Variants in KLF7 observed in about 807,000 individuals in gnomAD.
KLF7 encodes the protein KLF transcription factor 7.
A neutral mutation model predicts 27.3 loss-of-function variants in KLF7; 2 were observed. The ratio of observed to expected loss-of-function variants is 0.07; its 90% CI spans 0.03 to 0.23. The LOEUF (loss-of-function observed/expected upper bound fraction) is 0.23, where lower values mean the gene tolerates loss of function less well. KLF7 is among the 10% of genes least tolerant of loss of function. The pLI is 1.00. For missense variants in KLF7, 221 were observed against 394.1 expected (o/e 0.56, Z 3.72); for synonymous variants, 165 against 162.4 (o/e 1.02, Z -0.12).
chr2:207,078,138 T>A lies in KLF7; in HGVS notation c.*3075A>T, dbSNP rs13035688. 28,865 of 152,190 alleles carry A rather than the reference T, an allele frequency of 0.19. 2,902 individuals are homozygous for A. Among genetic ancestry groups the A allele is most frequent in the Non-Finnish European group, 0.23 (15,459 of 67,998 alleles). The allele number at this position is 152,190 out of a possible 1,614,324, so 9.4% of individuals were successfully genotyped here. On this transcript the variant is annotated 3_prime_UTR_variant, in exon 4 of 4. Transcript: ENST00000309446. The stretch of plus-strand genomic sequence containing the variant: ...TATTACAAATCCATTTCCAAAATGA[T>A]CAGGACTGGTCATCATTCACAGGTG...
At chr2:207,129,949 T>C (rs577714742) in intron 1 of KLF7, among the ~76,000 whole-genome samples, 2 of 152,320 alleles carry the variant, frequency 1.3e-5, no homozygotes, top group East Asian at 3.9e-4. Context: ...TGACAAGAGG[T>C]AGTTACTTTC....
At chr2:207,173,545 T>G in the KLF7 span, 1 of 152,160 alleles carries the variant, frequency 6.6e-6, no homozygotes, top group African/African-American at 2.4e-5. Context: ...GAACTCTTAT[T>G]ATCTTCTTCA....
intron 2 of KLF7, among the ~76,000 whole-genome samples, chr2:207,095,002 T>G (rs568365908): frequency 1.0e-3 from 155 of 151,254 alleles, no homozygotes; most frequent in African/African-American, 3.3e-3. Context: ...TTACAGAGCA[T>G]GCAAACATTT....
In KLF7 at chr2:207,079,594, T is replaced by C. The variant is rs1199499084; in HGVS notation, c.*1619A>G. On this transcript the variant is annotated 3_prime_UTR_variant, in exon 4 of 4. Transcript: ENST00000309446. ...CTTTGGAGTTGAGGCCAGTGCCAGCTAGCTAGGAATGCGGGTAGATAGAGA... is the reference window on the plus strand; with the variant it reads ...CTTTGGAGTTGAGGCCAGTGCCAGCCAGCTAGGAATGCGGGTAGATAGAGA... The C allele has an allele frequency of 6.6e-6, 1 of 152,238 alleles. No homozygotes were observed. Among genetic ancestry groups the C allele is most frequent in the African/African-American group, 2.4e-5 (1 of 41,420 alleles). 9.4% of individuals were successfully genotyped at this position (152,238 alleles called of 1,614,324 possible). A position where few individuals can be genotyped will look rare whatever the true frequency, so the allele number is the denominator to read the frequency against.
At chr2:207,150,505 C>T (rs190645146) in intron 1 of KLF7, among the ~76,000 whole-genome samples, 3 of 152,194 alleles carry the variant, frequency 2.0e-5, no homozygotes, top group African/African-American at 7.2e-5. Flanking sequence ...AAGCCTCCCC[C>T]ACTGCAGAAT....
At chr2:207,172,326 ACCT>A in the KLF7 span, among the ~76,000 whole-genome samples, 2 of 152,050 alleles carry the variant, frequency 1.3e-5, no homozygotes. Context: ...TTTAGGCCAT[ACCT>A]CCTTTTTATC....
chr2:207,165,919 G>A lies in KLF7; in HGVS notation c.-351C>T. On this transcript the variant is annotated 5_prime_UTR_variant, in exon 1 of 4. Coordinates refer to ENST00000309446, the MANE Select transcript of KLF7 (RefSeq NM_003709.4). The stretch of plus-strand genomic sequence containing the variant: ...AAGGGGGATGCAAACTCACTGACAC[G>A]AAGCTGCCATCTATTTCTGCAGCGC... 9.1e-7 allele frequency: 1 copy of A among 1,103,788 alleles called. No individual in the cohort carries two copies. The highest frequency in any genetic ancestry group is 1.1e-6 in the Non-Finnish European group (1 of 902,084). 68.4% of individuals were successfully genotyped at this position (1,103,788 alleles called of 1,614,324 possible).
At chr2:207,139,297 C>G (rs562449346) in intron 1 of KLF7, among the ~76,000 whole-genome samples, 1 of 152,124 alleles carries the variant, frequency 6.6e-6, no homozygotes, top group African/African-American at 2.4e-5. Context: ...AAATGCTTAT[C>G]GATACTTATC....
chr2:207,148,897 A>G, intron 1 of KLF7: 1 of 463,708 alleles, frequency 2.2e-6, no homozygotes, highest in Non-Finnish European at 2.9e-6. Flanking sequence ...GGGGGCAGGG[A>G]TCTCCTATCA....
chr2:207,103,786 G>A (rs1331263871), intron 2 of KLF7, among the ~76,000 whole-genome samples: 2 of 152,184 alleles, frequency 1.3e-5, no homozygotes, highest in African/African-American at 2.4e-5. Flanking sequence ...CACAGCCCTC[G>A]CAGGATTATC....
At chr2:207,166,997 G>T, upstream of KLF7, 2 of 855,486 alleles carry the variant, frequency 2.3e-6, no homozygotes, top group Non-Finnish European at 3.1e-6. Context: ...GAGAGACCTG[G>T]TCGGGAGTCC....
chr2:207,166,207 G>A (rs185517618), upstream of KLF7: 754 of 984,940 alleles, frequency 7.7e-4, 1 homozygote, highest in Non-Finnish European at 8.2e-4. Flanking sequence ...GGTAAACAGG[G>A]GGCTCATGAA....
At chr2:207,129,803 T>C (rs758441592) in intron 1 of KLF7, among the ~76,000 whole-genome samples, 5 of 152,260 alleles carry the variant, frequency 3.3e-5, no homozygotes, top group Non-Finnish European at 7.3e-5. Context: ...TTTTATCCTA[T>C]GGATTGTAAT....
upstream of KLF7, among the ~76,000 whole-genome samples, chr2:207,168,483 A>G (rs1341958427): frequency 6.6e-6 from 1 of 152,202 alleles, no homozygotes; most frequent in African/African-American, 2.4e-5. Flanking sequence ...GTTCAAATCC[A>G]AGAGCATCTG....
At chr2:207,142,162 C>T (rs1574549626) in intron 1 of KLF7, among the ~76,000 whole-genome samples, 1 of 152,250 alleles carries the variant, frequency 6.6e-6, no homozygotes, top group East Asian at 1.9e-4. Flanking sequence ...TCAATAAATA[C>T]TTCTTCAATG....
intron 2 of KLF7, among the ~76,000 whole-genome samples, chr2:207,101,856 T>C (rs975028965): frequency 5.3e-5 from 8 of 152,204 alleles, no homozygotes; most frequent in Admixed American, 3.3e-4. Flanking sequence ...TTACATTCTA[T>C]GTAGCTCCAC....
intron 1 of KLF7, among the ~76,000 whole-genome samples, chr2:207,128,075 A>C (rs887473207): frequency 1.3e-5 from 2 of 152,168 alleles, no homozygotes; most frequent in Non-Finnish European, 2.9e-5. Flanking sequence ...ATCATTATCC[A>C]ATAAAGGGAA....
At chr2:207,164,056 A>C (rs1268038130) in intron 1 of KLF7, among the ~76,000 whole-genome samples, 1 of 152,262 alleles carries the variant, frequency 6.6e-6, no homozygotes, top group Non-Finnish European at 1.5e-5. Context: ...ACCAGACGCC[A>C]ATACCTGGAG....
chr2:207,099,836 A>G (rs766259387), intron 2 of KLF7, among the ~76,000 whole-genome samples: 5 of 152,120 alleles, frequency 3.3e-5, no homozygotes, highest in Non-Finnish European at 4.4e-5. Flanking sequence ...AATCTTCAAG[A>G]AGCCCAAATG....
Sources: gnomAD v4.1 joint callset for allele counts (sites outside exome capture counted in the v4.1 genomes callset) on GRCh38, gnomAD v4.1.1 for gene constraint, MANE v1.5 for transcripts, NCBI Gene and HGNC (gene_info 2026-07-23, HGNC 2026-07-21) for gene names.